The following CRBN variants were observed in gnomAD, a reference collection of about 807,000 sequenced individuals.
CRBN encodes cereblon.
CRBN carries 53 observed loss-of-function variants against 62.2 expected under a neutral mutation model. The observed-to-expected ratio is 0.85, with a 90% CI of 0.68 to 1.07. The LOEUF is 1.07. CRBN is among the 50% of genes least tolerant of loss of function. CRBN has a pLI of 0.00. For missense variants in CRBN, 616 were observed against 531.1 expected (o/e 1.16, Z -1.57); for synonymous variants, 208 against 176.1 (o/e 1.18, Z -1.43).
At position 3,174,214 on chromosome 3, in the gene CRBN, A is replaced by G; in HGVS notation, c.222T>C (p.Asp74=). ...MEEFHGRTLH[D]DDSCQVIPVL... ...CTGGAATCACCTGACAGCTGTCGTCATCGTGCAAAGTCCTGCCATGAAATT... is the reference window on the plus strand; with the variant it reads ...CTGGAATCACCTGACAGCTGTCGTCGTCGTGCAAAGTCCTGCCATGAAATT... The change falls in exon 3 of 11, where the codon GAT becomes GAC. Residue 74 remains aspartate (D), a synonymous_variant. Coordinates refer to ENST00000231948, the MANE Select transcript of CRBN (RefSeq NM_016302.4). The G allele has an allele frequency of 6.2e-7, 1 of 1,614,230 alleles. No individual in the cohort carries two copies.
At chr3:3,159,469 T>C (rs1048447754) in intron 5 of CRBN, among the ~76,000 whole-genome samples, 17 of 152,306 alleles carry the variant, frequency 1.1e-4, no homozygotes, top group African/African-American at 4.1e-4. Flanking sequence ...GTAATTTCAT[T>C]TGGCACCCAT....
chr3:3,175,165 T>TA lies in CRBN; in HGVS notation c.171dup (p.Thr58TyrfsTer6). On this transcript the variant is annotated frameshift_variant, in exon 2 of 11. Coordinates refer to ENST00000231948, the MANE Select transcript of CRBN (RefSeq NM_016302.4). LOFTEE classifies it high-confidence loss of function. ...AGATCTGTCACTAAATTACATACTG[T>TA]ATGTGATGTCGGCAGACTGGTGTCA... The TA allele has an allele frequency of 6.3e-7, 1 of 1,591,458 alleles. No homozygotes were observed.
chr3:3,166,730 A>C (rs711618), intron 5 of CRBN, among the ~76,000 whole-genome samples: 1 of 152,064 alleles, frequency 6.6e-6, no homozygotes, highest in Non-Finnish European at 1.5e-5. Context: ...ACAAGTTTTC[A>C]CTGAAAACTG....
At chr3:3,178,892 T>A (rs1259704045) in intron 1 of CRBN, among the ~76,000 whole-genome samples, 3 of 152,200 alleles carry the variant, frequency 2.0e-5, no homozygotes, top group Non-Finnish European at 4.4e-5. Flanking sequence ...CATGCATTTT[T>A]TTTTTTGTTC....
At chr3:3,171,209 C>T (rs1395419879) in intron 4 of CRBN, among the ~76,000 whole-genome samples, 1 of 152,172 alleles carries the variant, frequency 6.6e-6, no homozygotes, top group Non-Finnish European at 1.5e-5. Context: ...AATCAAAAGT[C>T]ACTAATGTCA....
In CRBN at chr3:3,153,907, G is replaced by C. The variant is rs1706753539; in HGVS notation, c.951+53C>G. On this transcript the variant is annotated intron_variant, in intron 8 of 10. Coordinates refer to ENST00000231948, the MANE Select transcript of CRBN (RefSeq NM_016302.4). Reference sequence around the variant, plus strand: ...CCATTGGCCCCAACAGAGCATCCTAGTTCTCCAGCCTGAATAAAACATGGG... The same window carrying C: ...CCATTGGCCCCAACAGAGCATCCTACTTCTCCAGCCTGAATAAAACATGGG... 2.6e-5 allele frequency: 30 copies of C among 1,146,852 alleles called. No individual in the cohort carries two copies. In the South Asian group the frequency reaches 3.1e-4, roughly 12 times the overall value. The allele number at this position is 1,146,852 out of a possible 1,614,324, so 71.0% of individuals were successfully genotyped here. A position where few individuals can be genotyped will look rare whatever the true frequency, so the allele number is the denominator to read the frequency against.
intron 10 of CRBN, 86 bp downstream of exon 10, chr3:3,152,370 G>A (rs1706626814): frequency 5.9e-6 from 8 of 1,360,246 alleles, no homozygotes; most frequent in Non-Finnish European, 8.2e-6. Context: ...TATAAAGATT[G>A]TGGCAACTCT....
intron 5 of CRBN, among the ~76,000 whole-genome samples, chr3:3,164,127 A>G (rs1003994023): frequency 6.6e-6 from 1 of 152,172 alleles, no homozygotes; most frequent in African/African-American, 2.4e-5. Flanking sequence ...AGGCTTCCCT[A>G]TTTCTTTGAG....
Position 3,152,442 on chromosome 3 carries a change from C to T in CRBN, c.1148+14G>A, listed in dbSNP as rs1180844775. 6.2e-7 allele frequency: 1 copy of T among 1,609,874 alleles called. No homozygotes were observed. The highest frequency in any genetic ancestry group is 1.1e-5 in the South Asian group (1 of 89,142). ...AAAAAAGAAAAAAAAAAGCAACCAC[C>T]ACCATAATATTACCCAGGAAACCAG... On this transcript the variant is annotated intron_variant, in intron 10 of 10. Transcript: ENST00000231948.
chr3:3,172,533 A>T (rs1234140926), intron 4 of CRBN: 3 of 538,828 alleles, frequency 5.6e-6, no homozygotes, highest in Non-Finnish European at 9.9e-6. Context: ...AAGATGCTGC[A>T]GCCTCATCAC....
chr3:3,174,888 T>G (rs1707768094), intron 2 of CRBN, among the ~76,000 whole-genome samples: 1 of 152,174 alleles, frequency 6.6e-6, no homozygotes, highest in African/African-American at 2.4e-5. Flanking sequence ...GTATGTTCAA[T>G]AACACTCTAG....
intron 5 of CRBN, among the ~76,000 whole-genome samples, chr3:3,159,176 G>A (rs1237316896): frequency 2.0e-5 from 3 of 152,104 alleles, no homozygotes; most frequent in South Asian, 2.1e-4. Context: ...TCTTAGCAGC[G>A]TGAGACCAGA....
chr3:3,163,794 G>T (rs931948105), intron 5 of CRBN, among the ~76,000 whole-genome samples: 4 of 152,086 alleles, frequency 2.6e-5, no homozygotes, highest in African/African-American at 9.7e-5. Flanking sequence ...GGCATACTGT[G>T]ATTCACAGAT....
In CRBN at chr3:3,179,602, A is replaced by T; in HGVS notation, c.67+19T>A. The T allele has an allele frequency of 6.2e-7, 1 of 1,612,354 alleles. No individual in the cohort carries two copies. Among genetic ancestry groups the T allele is most frequent in the Non-Finnish European group, 8.5e-7 (1 of 1,178,608 alleles). On this transcript the variant is annotated intron_variant, in intron 1 of 10. Transcript: ENST00000231948. The stretch of plus-strand genomic sequence containing the variant: ...CCTCGCCCCACTCCCGACTACAGGG[A>T]ACTACTCCGGGCGGTTACCAGGCAG...
At chr3:3,174,415 C>A (rs569707920) in intron 2 of CRBN, among the ~76,000 whole-genome samples, 154 bp from the exon 3 acceptor site, 1 of 152,026 alleles carries the variant, frequency 6.6e-6, no homozygotes, top group Non-Finnish European at 1.5e-5. Context: ...CCGAGGTAGG[C>A]GGATCACCTG....
Position 3,167,676 on chromosome 3 carries a change from T to C in CRBN, c.645A>G (p.Arg215=), listed in dbSNP as rs761677258. ...CQIFPSKPVS[R]EDQCSYKWWQ... ...ACCATTTATATGAACATTGGTCTTC[T>C]CTTGAGACAGGTTTTGAAGGAAATA... Residue 215 remains arginine (R), a synonymous_variant, in exon 5 of 11, where the codon AGA becomes AGG. Transcript: ENST00000231948. 4.3e-6 allele frequency: 7 copies of C among 1,613,540 alleles called. No individual in the cohort carries two copies. The highest frequency in any genetic ancestry group is 5.1e-6 in the Non-Finnish European group (6 of 1,179,616).
rs1257610146 is a variant in CRBN at position 3,150,387 on chromosome 3, CCTTG to C, written c.*474_*477del. ...CTTTTAGAATAATTAATATACATTG[CCTTG>C]CTTCTTTCCAAAAGGAACATGTACT... On this transcript the variant is annotated 3_prime_UTR_variant, in exon 11 of 11. Transcript: ENST00000231948. 1.3e-5 allele frequency: 2 copies of C among 153,664 alleles called. No homozygotes were observed. The highest frequency in any genetic ancestry group is 4.8e-5 in the African/African-American group (2 of 41,540). The allele number at this position is 153,664 out of a possible 1,614,324, so 9.5% of individuals were successfully genotyped here. A position where few individuals can be genotyped will look rare whatever the true frequency, so the allele number is the denominator to read the frequency against.
chr3:3,160,232 T>C (rs567288399), intron 5 of CRBN, among the ~76,000 whole-genome samples: 5 of 152,284 alleles, frequency 3.3e-5, no homozygotes, highest in African/African-American at 1.2e-4. Context: ...TGAAGTGCAA[T>C]GAAAATGGAA....
intron 2 of CRBN, among the ~76,000 whole-genome samples, 154 bp from the exon 3 acceptor site, chr3:3,174,415 C>T (rs569707920): frequency 3.3e-5 from 5 of 152,144 alleles, no homozygotes; most frequent in South Asian, 4.2e-4. Flanking sequence ...CCGAGGTAGG[C>T]GGATCACCTG....
Sources: gnomAD v4.1 joint callset for allele counts (sites outside exome capture counted in the v4.1 genomes callset) on GRCh38, gnomAD v4.1.1 for gene constraint, MANE v1.5 for transcripts, NCBI Gene and HGNC (gene_info 2026-07-23, HGNC 2026-07-21) for gene names.